NOL4: variants seen among roughly 807,000 people sequenced by gnomAD.
The protein encoded by NOL4 is cancer/testis antigen 125.
A neutral mutation model predicts 75.9 loss-of-function variants in NOL4; 17 were observed. The ratio of observed to expected loss-of-function variants is 0.22; its 90% CI spans 0.15 to 0.34. The LOEUF is 0.34. Among genes scored for constraint, NOL4 ranks in the 10% least tolerant of loss-of-function variants. The pLI, the probability that NOL4 is intolerant of heterozygous loss-of-function variation, is 1.00. For synonymous variants in NOL4, 292 were observed against 289.9 expected (o/e 1.01, Z -0.07); for missense variants, 614 against 793.5 (o/e 0.77, Z 2.72).
chr18:33,975,401 T>C (rs370986183), intron 6 of NOL4, among the ~76,000 whole-genome samples: 1 of 152,194 alleles, frequency 6.6e-6, no homozygotes, highest in African/African-American at 2.4e-5. Context: ...GTAAGGAATA[T>C]CTTCTTCTTT....
intron 1 of NOL4, among the ~76,000 whole-genome samples, chr18:34,130,808 G>A (rs2080607557): frequency 6.6e-6 from 1 of 151,994 alleles, no homozygotes; most frequent in African/African-American, 2.4e-5. Context: ...AATATGCAAA[G>A]TACTATAAGA....
At chr18:33,895,482 A>G (rs2065343274) in intron 9 of NOL4, among the ~76,000 whole-genome samples, 1 of 152,160 alleles carries the variant, frequency 6.6e-6, no homozygotes, top group African/African-American at 2.4e-5. Context: ...TCACCAAATC[A>G]AAATTTTTAA....
At chr18:34,087,019 T>C (rs1387658408) in intron 5 of NOL4, among the ~76,000 whole-genome samples, 3 of 152,154 alleles carry the variant, frequency 2.0e-5, no homozygotes, top group Non-Finnish European at 4.4e-5. Flanking sequence ...GAGCATGAAG[T>C]GCACCAATGT....
intron 1 of NOL4, among the ~76,000 whole-genome samples, chr18:34,150,991 G>GA (rs1053347500): frequency 5.9e-5 from 9 of 151,896 alleles, no homozygotes; most frequent in African/African-American, 1.9e-4. Flanking sequence ...ATGCCACTCA[G>GA]AAAATGCAAA....
At chr18:33,921,934 G>A (rs1362894807) in intron 9 of NOL4, among the ~76,000 whole-genome samples, 2 of 152,020 alleles carry the variant, frequency 1.3e-5, no homozygotes, top group East Asian at 3.9e-4. Context: ...CTCCACCAAT[G>A]GCTCCAAAAC....
At chr18:34,026,597 C>T (rs2075354988) in intron 5 of NOL4, among the ~76,000 whole-genome samples, 1 of 152,154 alleles carries the variant, frequency 6.6e-6, no homozygotes, top group Non-Finnish European at 1.5e-5. Flanking sequence ...GCTCCATTTT[C>T]CAGATGGATC....
At chr18:33,904,654 T>C (rs1599816700) in intron 9 of NOL4, among the ~76,000 whole-genome samples, 2 of 152,204 alleles carry the variant, frequency 1.3e-5, no homozygotes, top group African/African-American at 4.8e-5. Flanking sequence ...TTTGTAAATA[T>C]GCCTGTGTTA....
intron 5 of NOL4, among the ~76,000 whole-genome samples, chr18:34,038,098 C>T (rs922077337): frequency 3.9e-5 from 6 of 151,988 alleles, no homozygotes; most frequent in African/African-American, 1.4e-4. Flanking sequence ...ACAGACAATT[C>T]CCACAAGAAG....
At chr18:33,981,548 A>G (rs2071963229) in intron 6 of NOL4, among the ~76,000 whole-genome samples, 1 of 152,086 alleles carries the variant, frequency 6.6e-6, no homozygotes, top group South Asian at 2.1e-4. Context: ...GATGATTAAA[A>G]AAGCCCCAGC....
At chr18:33,967,448 C>T (rs2070694935) in intron 6 of NOL4, among the ~76,000 whole-genome samples, 1 of 152,094 alleles carries the variant, frequency 6.6e-6, no homozygotes, top group Non-Finnish European at 1.5e-5. Flanking sequence ...GCAACTGCAA[C>T]AAAAACAAAA....
intron 1 of NOL4, among the ~76,000 whole-genome samples, chr18:34,194,430 A>AGGAG (rs1363223205): frequency 6.1e-5 from 8 of 132,088 alleles, no homozygotes; most frequent in Non-Finnish European, 1.1e-4. Flanking sequence ...GAGGGAGGGA[A>AGGAG]GGAAGGAAGG....
chr18:34,059,122 C>CATATATATATATAT (rs55773398), intron 5 of NOL4, among the ~76,000 whole-genome samples: 103 of 118,164 alleles, frequency 8.7e-4, no homozygotes, highest in Non-Finnish European at 1.1e-3. Context: ...GATAGATATA[C>CATATATATATATAT]ATATATATAT....
chr18:34,222,550 G>C (rs2037392902), intron 1 of NOL4: 1 of 682,902 alleles, frequency 1.5e-6, no homozygotes, highest in Non-Finnish European at 1.8e-6. Context: ...AGACACTGTA[G>C]ACTATCGATC....
chr18:34,164,965 A>C (rs1373968993), intron 1 of NOL4, among the ~76,000 whole-genome samples: 1 of 151,794 alleles, frequency 6.6e-6, no homozygotes, highest in Non-Finnish European at 1.5e-5. Context: ...ACTGGAAGTC[A>C]TCATTCTCAG....
intron 8 of NOL4, among the ~76,000 whole-genome samples, chr18:33,955,908 G>A (rs1021612991): frequency 6.6e-6 from 1 of 152,040 alleles, no homozygotes; most frequent in African/African-American, 2.4e-5. Flanking sequence ...GTTTAACTAG[G>A]TACAGTGGCA....
chr18:34,097,994 C>T (rs2078867499), intron 4 of NOL4, among the ~76,000 whole-genome samples: 1 of 152,044 alleles, frequency 6.6e-6, no homozygotes, highest in African/African-American at 2.4e-5. Context: ...ATGCAGTAAG[C>T]CTCAAATAAC....
rs565574187 is a variant in NOL4, at chr18:34,006,305, T to C, written c.1056+13013A>G. On this transcript the variant is annotated intron_variant, in intron 6 of 10. Coordinates refer to ENST00000261592, the MANE Select transcript of NOL4 (RefSeq NM_003787.5). The stretch of plus-strand genomic sequence containing the variant: ...TTGATTAGGCTAAGGGGTGCCCAGA[T>C]AGCTGGTAAAACATTACTTCTGAGA... 1.1e-4 allele frequency among the ~76,000 whole-genome samples: 17 copies of C among 152,252 alleles called. No individual in the cohort carries two copies. The South Asian group carries it at 2.9e-3, about 26-fold the overall frequency.
At chr18:34,066,791 C>G (rs12971068) in intron 5 of NOL4, among the ~76,000 whole-genome samples, 128,208 of 151,562 alleles carry the variant, frequency 0.85, 54,309 homozygotes, top group East Asian at 0.97. Flanking sequence ...TATTCTATCT[C>G]TAACAATAAT....
chr18:34,212,781 G>A (rs889801348), intron 1 of NOL4, among the ~76,000 whole-genome samples: 1 of 152,208 alleles, frequency 6.6e-6, no homozygotes, highest in South Asian at 2.1e-4. Flanking sequence ...TCAGCATCCA[G>A]AGACTGCTCT....
Sources: allele counts gnomAD v4.1 joint callset (sites outside exome capture counted in the v4.1 genomes callset), GRCh38; gene constraint gnomAD v4.1.1; transcripts MANE v1.5; gene names NCBI Gene and HGNC (gene_info 2026-07-23, HGNC 2026-07-21).